TENM3: variants seen among roughly 807,000 people sequenced by gnomAD.
The protein encoded by TENM3 is teneurin-3.
In TENM3, 63 loss-of-function variants were observed where a neutral mutation model predicts 255.1. That is an observed-to-expected ratio of 0.25 (90% CI 0.20 to 0.30). The LOEUF (loss-of-function observed/expected upper bound fraction) is 0.30, where lower values mean the gene tolerates loss of function less well. Ranked by LOEUF, TENM3 falls within the 10% of genes least tolerant of loss-of-function variation. The pLI, the probability that TENM3 is intolerant of heterozygous loss-of-function variation, is 1.00. For missense variants in TENM3, 2,929 were observed against 3,461.1 expected (o/e 0.85, Z 3.86); for synonymous variants, 1,306 against 1,322.3 (o/e 0.99, Z 0.27).
intron 1 of TENM3, among the ~76,000 whole-genome samples, chr4:182,173,786 G>A (rs560057710): frequency 1.1e-4 from 17 of 152,290 alleles, no homozygotes; most frequent in African/African-American, 4.1e-4. Flanking sequence ...ATCCAGCAGC[G>A]AAAGGAAGGT....
the TENM3 span, among the ~76,000 whole-genome samples, chr4:181,987,509 A>G: frequency 6.6e-6 from 1 of 152,186 alleles, no homozygotes; most frequent in East Asian, 1.9e-4. Context: ...ACCATTATTC[A>G]CTTGATCCAT....
At chr4:182,269,034 T>C (rs1345462590) in intron 1 of TENM3, among the ~76,000 whole-genome samples, 1 of 152,152 alleles carries the variant, frequency 6.6e-6, no homozygotes, top group East Asian at 1.9e-4. Context: ...TTCTTTGTCC[T>C]GTGACAAAGA....
intron 1 of TENM3, among the ~76,000 whole-genome samples, chr4:182,213,493 A>G (rs1755192581): frequency 6.6e-6 from 1 of 152,238 alleles, no homozygotes; most frequent in Non-Finnish European, 1.5e-5. Context: ...TCCATAATTC[A>G]TAACAAATGT....
chr4:182,236,283 AAT>A (rs1301662208), intron 1 of TENM3, among the ~76,000 whole-genome samples: 1 of 152,218 alleles, frequency 6.6e-6, no homozygotes, highest in African/African-American at 2.4e-5. Flanking sequence ...ATACTTCTGA[AAT>A]AACAAGTTTA....
At chr4:181,698,528 C>T in the TENM3 span, among the ~76,000 whole-genome samples, 2 of 152,070 alleles carry the variant, frequency 1.3e-5, no homozygotes, top group Non-Finnish European at 2.9e-5. Context: ...AATAGTAGCC[C>T]TCTTATTCAG....
chr4:182,124,929 T>C, the TENM3 span, among the ~76,000 whole-genome samples: 1 of 150,134 alleles, frequency 6.7e-6, no homozygotes, highest in African/African-American at 2.5e-5. Context: ...GCATCCACGC[T>C]GTGTGTGCTA....
chr4:182,554,563 C>T lies in TENM3; in HGVS notation c.512-46361C>T, dbSNP rs560335401. ...CAGGCAATTTGTGTGTGTGTGTGCA[C>T]GTATGTGTGTGTGTGTGATATTTAA... is the stretch of plus-strand genomic sequence containing the variant. On this transcript the variant is annotated intron_variant, in intron 3 of 27. Coordinates refer to ENST00000511685, the MANE Select transcript of TENM3 (RefSeq NM_001080477.4). Among the ~76,000 whole-genome samples, 6 of 151,758 alleles carry T rather than the reference C, an allele frequency of 4.0e-5. No individual in the cohort carries two copies. The Middle Eastern group carries it at 0.01, about 260-fold the overall frequency.
chr4:182,072,926 T>A, the TENM3 span, among the ~76,000 whole-genome samples: 1 of 152,124 alleles, frequency 6.6e-6, no homozygotes, highest in Admixed American at 6.5e-5. Flanking sequence ...TAAGGTGAAA[T>A]GAGATTATAA....
chr4:182,615,069 A>ATTTTT lies in TENM3; in HGVS notation c.750-13576_750-13572dup, dbSNP rs35326593. Among the ~76,000 whole-genome samples the ATTTTT allele has an allele frequency of 8.4e-4, 109 of 130,372 alleles. 1 individual carries two copies. Among genetic ancestry groups the ATTTTT allele is most frequent in the South Asian group, 7.2e-4 (3 of 4,194 alleles). The allele number at this position is 130,372 out of a possible 152,430, so 85.5% of individuals were successfully genotyped here. ...TACATATATATATATATATATATGTATTTTTTTTTTCTTCTCCAAATAGCA... is the reference window on the plus strand; with the variant it reads ...TACATATATATATATATATATATGTATTTTTTTTTTTTTTTCTTCTCCAAATAGCA... On this transcript the variant is annotated intron_variant, in intron 4 of 27. Transcript: ENST00000511685.
intron 5 of TENM3, among the ~76,000 whole-genome samples, chr4:182,630,638 A>G (rs1223793114): frequency 1.3e-5 from 2 of 152,194 alleles, no homozygotes; most frequent in African/African-American, 4.8e-5. Flanking sequence ...AGGTGCAGCA[A>G]AACCACCATG....
In TENM3 at chr4:182,770,518, A is replaced by G. The variant is rs114032477; in HGVS notation, c.4893-2954A>G. On this transcript the variant is annotated intron_variant, in intron 22 of 27. Transcript: ENST00000511685. ...GCCTGATCCCACAGTCTAGTTCACC[A>G]CTAAGGCCAAGCAACATTCAGTTGA... 9.5e-3 allele frequency among the ~76,000 whole-genome samples: 1,447 copies of G among 152,204 alleles called. 28 individuals carry two copies. Among genetic ancestry groups the G allele is most frequent in the African/African-American group, 0.032 (1,346 of 41,540 alleles).
chr4:181,656,030 C>G, the TENM3 span, among the ~76,000 whole-genome samples: 4 of 152,190 alleles, frequency 2.6e-5, no homozygotes, highest in African/African-American at 9.7e-5. Flanking sequence ...GAGTTTCCAT[C>G]TCCCTTGGCC....
At chr4:182,381,577 C>T (rs1455422675) in intron 3 of TENM3, among the ~76,000 whole-genome samples, 5 of 147,512 alleles carry the variant, frequency 3.4e-5, no homozygotes, top group African/African-American at 5.0e-5. Flanking sequence ...CCCTCCCCTC[C>T]GGAGTTTTGC....
At chr4:182,553,847 C>T (rs956676248) in intron 3 of TENM3, among the ~76,000 whole-genome samples, 4 of 152,150 alleles carry the variant, frequency 2.6e-5, no homozygotes, top group Admixed American at 2.0e-4. Flanking sequence ...TTTTTAAGCC[C>T]TTTCACTTCA....
the TENM3 span, among the ~76,000 whole-genome samples, chr4:181,910,142 A>G: frequency 6.6e-6 from 1 of 152,208 alleles, no homozygotes; most frequent in Non-Finnish European, 1.5e-5. Flanking sequence ...TCATTTTATC[A>G]GTTTTATGTT....
intron 12 of TENM3, among the ~76,000 whole-genome samples, chr4:182,695,630 G>C (rs1757344341): frequency 6.6e-6 from 1 of 152,148 alleles, no homozygotes; most frequent in Non-Finnish European, 1.5e-5. Context: ...CGAAAGTACA[G>C]GGTCAGGGAG....
the TENM3 span, among the ~76,000 whole-genome samples, chr4:181,917,041 C>T: frequency 2.0e-5 from 3 of 152,152 alleles, no homozygotes; most frequent in Non-Finnish European, 4.4e-5. Flanking sequence ...TATAGTATCT[C>T]CCAATAGCCA....
chr4:182,133,256 T>A, the TENM3 span, among the ~76,000 whole-genome samples: 2 of 152,190 alleles, frequency 1.3e-5, no homozygotes, highest in Admixed American at 6.5e-5. Flanking sequence ...GATGGCAGGA[T>A]AGTGATAATG....
chr4:182,100,634 T>TATACACACACATATATACACATATATAC, the TENM3 span, among the ~76,000 whole-genome samples: 1 of 54,058 alleles, frequency 1.8e-5, no homozygotes, highest in Non-Finnish European at 3.6e-5. Context: ...CACACATATA[T>TATACACACACATATATACACATATATAC]ACACATATAT....
Sources: allele counts gnomAD v4.1 joint callset (sites outside exome capture counted in the v4.1 genomes callset), GRCh38; gene constraint gnomAD v4.1.1; transcripts MANE v1.5; gene names NCBI Gene and HGNC (gene_info 2026-07-23, HGNC 2026-07-21).